SPNS3: variants seen among roughly 807,000 people sequenced by gnomAD.
SPNS3 encodes the protein SPNS lysolipid transporter 3, sphingosine-1-phosphate (putative).
A neutral mutation model predicts 54.4 loss-of-function variants in SPNS3; 51 were observed. The ratio of observed to expected loss-of-function variants is 0.94; its 90% CI spans 0.75 to 1.18. The LOEUF is 1.18. Among genes scored for constraint, SPNS3 ranks in the 50% most tolerant of loss-of-function variants. The pLI, the probability that SPNS3 is intolerant of heterozygous loss-of-function variation, is 0.00. For missense variants in SPNS3, 669 were observed against 677.4 expected (o/e 0.99, Z 0.14); for synonymous variants, 309 against 294.7 (o/e 1.05, Z -0.50).
In SPNS3 at chr17:4,484,212, T is replaced by C. The variant is rs527262508; in HGVS notation, c.1180-2016T>C. 2.0e-5 allele frequency among the ~76,000 whole-genome samples: 3 copies of C among 152,342 alleles called. No individual in the cohort carries two copies. The East Asian group carries it at 5.8e-4, about 29-fold the overall frequency. Reference sequence around the variant, plus strand: ...TCACTTGCCCTCCCTGTGGAGGTTTTCCTCATCTGTAAAAATGCAGGTGAT... The same window carrying C: ...TCACTTGCCCTCCCTGTGGAGGTTTCCCTCATCTGTAAAAATGCAGGTGAT... On this transcript the variant is annotated intron_variant, in intron 9 of 11. Transcript: ENST00000355530.
intron 5 of SPNS3, 73 bp downstream of exon 5, chr17:4,447,035 T>C: frequency 6.4e-6 from 10 of 1,560,624 alleles, no homozygotes; most frequent in Non-Finnish European, 8.8e-6. Context: ...TTGGGTGACC[T>C]TAGCCACTTG....
intron 1 of SPNS3, among the ~76,000 whole-genome samples, chr17:4,434,797 C>G (rs1290719015): frequency 7.4e-6 from 1 of 135,278 alleles, no homozygotes; most frequent in African/African-American, 2.8e-5. Flanking sequence ...CATGAGCCAC[C>G]GTGCCCGGCC....
At position 4,487,915 on chromosome 17, in the gene SPNS3, C is replaced by T. The variant is rs781172427; in HGVS notation, c.*21C>T. On this transcript the variant is annotated 3_prime_UTR_variant, in exon 12 of 12. Transcript: ENST00000355530. ...CCTGAGGTCCCTGCCTACACTCGTC[C>T]TGCCTGCAAGCCTCCCGTTGGTCCC... 1.9e-6 allele frequency: 3 copies of T among 1,606,994 alleles called. No individual in the cohort carries two copies. In the East Asian group the frequency reaches 6.7e-5, roughly 36 times the overall value.
rs1972372262 is a variant in SPNS3 at position 4,488,045 on chromosome 17, G to T, written c.*151G>T. On this transcript the variant is annotated 3_prime_UTR_variant, in exon 12 of 12. Transcript: ENST00000355530. Reference sequence around the variant, plus strand: ...GGCTGGAGAGCTGGCAGGACCCTGTGGCTGGGCTGGGAATGGAGCTGTCAG... The same window carrying T: ...GGCTGGAGAGCTGGCAGGACCCTGTTGCTGGGCTGGGAATGGAGCTGTCAG... 1 of 685,118 alleles carries T rather than the reference G, an allele frequency of 1.5e-6. No individual in the cohort carries two copies. The highest frequency in any genetic ancestry group is 2.5e-6 in the Non-Finnish European group (1 of 398,544). 42.4% of individuals were successfully genotyped at this position (685,118 alleles called of 1,614,324 possible).
At chr17:4,470,767 C>T (rs9898062) in intron 8 of SPNS3, among the ~76,000 whole-genome samples, 131,663 of 152,218 alleles carry the variant, frequency 0.86, 57,239 homozygotes, top group East Asian at 1. Flanking sequence ...GAATTAAGTT[C>T]GAATTAGTTG....
intron 8 of SPNS3, among the ~76,000 whole-genome samples, chr17:4,461,940 A>G (rs1567565929): frequency 6.6e-6 from 1 of 152,172 alleles, no homozygotes; most frequent in Admixed American, 6.6e-5. Context: ...GGGATATGGA[A>G]TCATCCCTAA....
At chr17:4,459,190 G>T (rs1322663656) in intron 8 of SPNS3, among the ~76,000 whole-genome samples, 2 of 151,980 alleles carry the variant, frequency 1.3e-5, no homozygotes, top group East Asian at 3.9e-4. Context: ...AGTTACGTAC[G>T]TTCTGACTCC....
chr17:4,475,846 T>G (rs1348242859), intron 8 of SPNS3, among the ~76,000 whole-genome samples: 1 of 151,994 alleles, frequency 6.6e-6, no homozygotes, highest in African/African-American at 2.4e-5. Context: ...GGAGCCCGGG[T>G]TTGAACTGCT....
At chr17:4,457,601 G>A (rs1971348229) in intron 8 of SPNS3, among the ~76,000 whole-genome samples, 1 of 152,164 alleles carries the variant, frequency 6.6e-6, no homozygotes, top group Non-Finnish European at 1.5e-5. Context: ...GGAGGCTGGG[G>A]CCCAGGCAGA....
intron 8 of SPNS3, among the ~76,000 whole-genome samples, chr17:4,476,509 G>A (rs150489764): frequency 2.4e-4 from 37 of 152,332 alleles, no homozygotes; most frequent in Admixed American, 5.2e-4. Context: ...CTGGCAATGT[G>A]AAGGGGGGAG....
chr17:4,472,580 C>G (rs913631013), intron 8 of SPNS3, among the ~76,000 whole-genome samples: 1 of 152,020 alleles, frequency 6.6e-6, no homozygotes, highest in African/African-American at 2.4e-5. Flanking sequence ...GAGTGGAGTC[C>G]GTGATTGGAG....
At position 4,483,874 on chromosome 17, in the gene SPNS3, A is replaced by G. The variant is rs1264438707; in HGVS notation, c.1180-2354A>G. On this transcript the variant is annotated intron_variant, in intron 9 of 11. Coordinates refer to ENST00000355530, the MANE Select transcript of SPNS3 (RefSeq NM_182538.5). The surrounding 1 kb of genome is among the most constrained non-coding windows in gnomAD (Gnocchi z 4.2). Reference sequence around the variant, plus strand: ...AAACCCCCTGCATCTGTCCCCTGGGATTCTGGAATCCAGAGATCGTGTCCC... The same window carrying G: ...AAACCCCCTGCATCTGTCCCCTGGGGTTCTGGAATCCAGAGATCGTGTCCC... Among the ~76,000 whole-genome samples the G allele has an allele frequency of 2.0e-5, 3 of 152,106 alleles. No individual in the cohort carries two copies. The highest frequency in any genetic ancestry group is 7.2e-5 in the African/African-American group (3 of 41,496).
At chr17:4,453,542 C>T (rs375537845) in intron 8 of SPNS3, among the ~76,000 whole-genome samples, 28 of 152,102 alleles carry the variant, frequency 1.8e-4, no homozygotes, top group African/African-American at 5.3e-4. Context: ...CGCTTGAACG[C>T]GGGAGGTGGA....
chr17:4,436,162 G>A (rs371910626), intron 1 of SPNS3, among the ~76,000 whole-genome samples: 11 of 152,170 alleles, frequency 7.2e-5, no homozygotes, highest in East Asian at 5.8e-4. Context: ...GGAGAGGTGC[G>A]GCCAGACAAG....
intron 9 of SPNS3, among the ~76,000 whole-genome samples, chr17:4,481,167 C>G (rs764072231): frequency 1.6e-4 from 24 of 151,890 alleles, no homozygotes; most frequent in Admixed American, 2.0e-4. Context: ...GCTGGCATTG[C>G]TTTTCAAGAG....
chr17:4,472,692 T>A (rs1971886165), intron 8 of SPNS3, among the ~76,000 whole-genome samples: 1 of 151,206 alleles, frequency 6.6e-6, no homozygotes, highest in Admixed American at 6.6e-5. Flanking sequence ...ATATGGGGGT[T>A]TTAGTGAATG....
At chr17:4,442,850 AGTCT>A (rs1335779685) in intron 2 of SPNS3, among the ~76,000 whole-genome samples, 2 of 152,094 alleles carry the variant, frequency 1.3e-5, no homozygotes, top group Non-Finnish European at 2.9e-5. Flanking sequence ...GTGCCTCCAG[AGTCT>A]GTCTTTTAAC....
chr17:4,441,368 A>G (rs1970842247), intron 2 of SPNS3, among the ~76,000 whole-genome samples: 1 of 147,338 alleles, frequency 6.8e-6, no homozygotes, highest in Admixed American at 6.8e-5. Flanking sequence ...CACAGAAAGG[A>G]AAAAAAAAAG....
At chr17:4,450,251 C>T (rs915811396) in intron 7 of SPNS3, among the ~76,000 whole-genome samples, 1 of 151,602 alleles carries the variant, frequency 6.6e-6, no homozygotes, top group Non-Finnish European at 1.5e-5. Flanking sequence ...TTCCCTCCTC[C>T]TCCTCCTTCC....
Sources: gnomAD v4.1 joint callset for allele counts (sites outside exome capture counted in the v4.1 genomes callset) on GRCh38, gnomAD v4.1.1 for gene constraint, Gnocchi (gnomAD v3.1) non-coding constraint, MANE v1.5 for transcripts, NCBI Gene and HGNC (gene_info 2026-07-23, HGNC 2026-07-21) for gene names.